KIAA0586: variants seen among roughly 807,000 people sequenced by gnomAD.
KIAA0586 encodes KIAA0586, also known as protein TALPID3.
A neutral mutation model predicts 169.8 loss-of-function variants in KIAA0586; 144 were observed. That is an observed-to-expected ratio of 0.85 (90% CI 0.74 to 0.97). KIAA0586 has a LOEUF of 0.97. Ranked by LOEUF, KIAA0586 falls within the 50% of genes least tolerant of loss-of-function variation. KIAA0586 has a pLI of 0.00. For missense variants in KIAA0586, 1,854 were observed against 1,823.0 expected (o/e 1.02, Z -0.31); for synonymous variants, 625 against 612.4 (o/e 1.02, Z -0.30).
chr14:58,483,829 A>T (rs1387857261), intron 21 of KIAA0586, among the ~76,000 whole-genome samples: 1 of 152,214 alleles, frequency 6.6e-6, no homozygotes, highest in African/African-American at 2.4e-5. Context: ...TTTTATATAC[A>T]TGAAACATTT....
intron 19 of KIAA0586, among the ~76,000 whole-genome samples, chr14:58,475,837 T>G (rs1438871516): frequency 6.6e-6 from 1 of 152,146 alleles, no homozygotes; most frequent in Non-Finnish European, 1.5e-5. Flanking sequence ...CAGTGGCTCA[T>G]GCCTGTAATC....
At position 58,435,706 on chromosome 14, in the gene KIAA0586, A is replaced by G. The variant is rs144418084; in HGVS notation, c.410+3249A>G. On this transcript the variant is annotated intron_variant, in intron 4 of 30. Transcript: ENST00000652326. ...AACTTCTTTAAGAATAGAATGATAC[A>G]TTCCTTTTTTGTTTTTTTAAGATGG... Among the ~76,000 whole-genome samples, 53 of 151,946 alleles carry G rather than the reference A, an allele frequency of 3.5e-4. No individual in the cohort carries two copies. The East Asian group carries it at 9.5e-3, about 27-fold the overall frequency.
chr14:58,522,067 A>G, intron 29 of KIAA0586: 5 of 810,164 alleles, frequency 6.2e-6, no homozygotes, highest in Middle Eastern at 3.8e-4. Context: ...ATTTTTCACC[A>G]GATCCTCTCC....
upstream of KIAA0586, chr14:58,427,696 G>C: frequency 1.3e-6 from 2 of 1,535,432 alleles, no homozygotes; most frequent in Non-Finnish European, 1.7e-6. Context: ...AGGGAAGTGG[G>C]TGTTGACCTG....
At chr14:58,525,404 G>A (rs960487910) in intron 29 of KIAA0586, among the ~76,000 whole-genome samples, 8 of 151,966 alleles carry the variant, frequency 5.3e-5, no homozygotes, top group East Asian at 3.9e-4. Context: ...TGCAGCCCAC[G>A]GAGAGCAAGC....
downstream of KIAA0586, among the ~76,000 whole-genome samples, chr14:58,553,149 T>C (rs1446534901): frequency 1.3e-5 from 2 of 152,358 alleles, no homozygotes; most frequent in African/African-American, 2.4e-5. Flanking sequence ...AGATAAAATA[T>C]CGACTGTGTG....
At chr14:58,460,097 A>T (rs917967573) in intron 13 of KIAA0586, 27 bp downstream of exon 13, 11 of 1,266,080 alleles carry the variant, frequency 8.7e-6, no homozygotes, top group Non-Finnish European at 1.1e-5. Flanking sequence ...TTCTTTTAAC[A>T]TAATTGTTGT....
At position 58,482,732 on chromosome 14, in the gene KIAA0586, C is replaced by G. The variant is rs771022768; in HGVS notation, c.3144+20C>G. ...TTGCCGGTATGGGGAATTTTTGAGACATTTATTGAAGAATAGTAAAATAGA... is the reference window on the plus strand; with the variant it reads ...TTGCCGGTATGGGGAATTTTTGAGAGATTTATTGAAGAATAGTAAAATAGA... On this transcript the variant is annotated intron_variant, in intron 21 of 30. Coordinates refer to ENST00000652326, the MANE Select transcript of KIAA0586 (RefSeq NM_001329943.3). 5.3e-6 allele frequency: 8 copies of G among 1,508,090 alleles called. No individual in the cohort carries two copies. The highest frequency in any genetic ancestry group is 7.2e-6 in the Non-Finnish European group (8 of 1,117,502). 93.4% of individuals were successfully genotyped at this position (1,508,090 alleles called of 1,614,324 possible).
chr14:58,554,345 A>G (rs914731143), downstream of KIAA0586, among the ~76,000 whole-genome samples: 1 of 152,146 alleles, frequency 6.6e-6, no homozygotes, highest in Non-Finnish European at 1.5e-5. Flanking sequence ...AACTTAAAAA[A>G]CATTGATTTC....
intron 26 of KIAA0586, 96 bp from the exon 27 acceptor site, chr14:58,498,687 G>C: frequency 1.0e-6 from 1 of 1,000,976 alleles, no homozygotes; most frequent in South Asian, 2.1e-5. Flanking sequence ...ACCTTCCAAG[G>C]AGTCAAAGGG....
intron 27 of KIAA0586, among the ~76,000 whole-genome samples, chr14:58,505,503 G>T (rs1042876484): frequency 6.6e-6 from 1 of 152,112 alleles, no homozygotes; most frequent in Admixed American, 6.5e-5. Flanking sequence ...TTCTATACAC[G>T]AGCAAATGTA....
chr14:58,534,545 C>A (rs571938328), intron 29 of KIAA0586, among the ~76,000 whole-genome samples: 1 of 152,092 alleles, frequency 6.6e-6, no homozygotes, highest in East Asian at 1.9e-4. Context: ...GGCTGATTGT[C>A]GTAGAGCACG....
chr14:58,440,886 C>A (rs2038283323), intron 4 of KIAA0586: 1 of 152,870 alleles, frequency 6.5e-6, no homozygotes, highest in East Asian at 1.9e-4. Context: ...GGTATAATTT[C>A]TCTTAGACAG....
intron 29 of KIAA0586, among the ~76,000 whole-genome samples, chr14:58,514,667 A>G (rs1219485698): frequency 1.3e-5 from 2 of 151,706 alleles, no homozygotes. Context: ...TTTTAATATA[A>G]AAGAGAGGAA....
At chr14:58,498,363 A>G (rs1014564231) in intron 26 of KIAA0586, among the ~76,000 whole-genome samples, 2 of 151,462 alleles carry the variant, frequency 1.3e-5, no homozygotes, top group Admixed American at 1.3e-4. Flanking sequence ...TTTTGTCGAG[A>G]CAGGGTTTCG....
intron 21 of KIAA0586, among the ~76,000 whole-genome samples, chr14:58,484,898 A>ATATTTATATATATTTT (rs1555391495): frequency 3.3e-3 from 16 of 4,888 alleles, no homozygotes; most frequent in African/African-American, 4.8e-3. Context: ...ATTTATATAT[A>ATATTTATATATATTTT]TATATATATA....
chr14:58,468,535 A>G (rs2040953750), intron 16 of KIAA0586, among the ~76,000 whole-genome samples: 2 of 152,262 alleles, frequency 1.3e-5, no homozygotes, highest in South Asian at 4.1e-4. Context: ...TATAATTAAT[A>G]CTTCAAACTT....
chr14:58,506,803 G>A (rs1294573048), intron 27 of KIAA0586, among the ~76,000 whole-genome samples: 1 of 151,982 alleles, frequency 6.6e-6, no homozygotes, highest in East Asian at 1.9e-4. Flanking sequence ...CTAGGAAATT[G>A]TCAACAGAAT....
Position 58,457,548 on chromosome 14 carries a change from G to A in KIAA0586, c.1363-211G>A, listed in dbSNP as rs1029722355. Among the ~76,000 whole-genome samples, 3 of 152,208 alleles carry A rather than the reference G, an allele frequency of 2.0e-5. No individual in the cohort carries two copies. The East Asian group carries it at 5.8e-4, about 29-fold the overall frequency. The stretch of plus-strand genomic sequence containing the variant: ...CTCCCAAAGTGTTGGGATTACAGGC[G>A]TGAGCCACCATGCCTGGCCCACATT... On this transcript the variant is annotated intron_variant, in intron 10 of 30. Coordinates refer to ENST00000652326, the MANE Select transcript of KIAA0586 (RefSeq NM_001329943.3).
Sources: allele counts gnomAD v4.1 joint callset (sites outside exome capture counted in the v4.1 genomes callset), GRCh38; gene constraint gnomAD v4.1.1; transcripts MANE v1.5; gene names NCBI Gene and HGNC (gene_info 2026-07-23, HGNC 2026-07-21).